The following PGCKA1 variants were observed in gnomAD, a reference collection of about 807,000 sequenced individuals.
The protein encoded by PGCKA1 is PDCD10 and GCKIII kinases associated 1.
chr4:37,550,159 C>T, the PGCKA1 span, among the ~76,000 whole-genome samples: 3 of 152,212 alleles, frequency 2.0e-5, no homozygotes, highest in Admixed American at 6.5e-5. Flanking sequence ...TGCTATGACC[C>T]CTCTGAACCT....
the PGCKA1 span, chr4:37,590,543 C>G: frequency 6.2e-7 from 1 of 1,614,176 alleles, no homozygotes; most frequent in East Asian, 2.2e-5. Context: ...AATGGAGACT[C>G]CAGAGCTCCT....
the PGCKA1 span, among the ~76,000 whole-genome samples, chr4:37,531,162 T>C: frequency 6.6e-6 from 1 of 152,258 alleles, no homozygotes; most frequent in East Asian, 1.9e-4. Context: ...AGGAACTTTA[T>C]ATGCGTTGTC....
the PGCKA1 span, among the ~76,000 whole-genome samples, chr4:37,481,247 GT>G: frequency 1.3e-5 from 2 of 151,904 alleles, no homozygotes; most frequent in Admixed American, 1.3e-4. Context: ...GGATCACGAG[GT>G]CAAGAGATCA....
At chr4:37,591,858 G>A in the PGCKA1 span, 3 of 152,096 alleles carry the variant, frequency 2.0e-5, no homozygotes, top group African/African-American at 7.2e-5. Context: ...TAACTCAAAG[G>A]TGGTTCTAAT....
the PGCKA1 span, among the ~76,000 whole-genome samples, chr4:37,455,656 A>G: frequency 6.6e-6 from 1 of 152,188 alleles, no homozygotes. Context: ...GGGATTGAAG[A>G]CAAAACCTTG....
At chr4:37,547,928 C>A in the PGCKA1 span, among the ~76,000 whole-genome samples, 1 of 146,246 alleles carries the variant, frequency 6.8e-6, no homozygotes, top group African/African-American at 2.5e-5. Context: ...AACTTCTAAT[C>A]TTGTGGCCTT....
At chr4:37,460,162 G>A in the PGCKA1 span, among the ~76,000 whole-genome samples, 2 of 152,152 alleles carry the variant, frequency 1.3e-5, no homozygotes, top group Non-Finnish European at 2.9e-5. Context: ...CAGAAGACAT[G>A]ATCATGCTTC....
At chr4:37,582,872 A>G in the PGCKA1 span, among the ~76,000 whole-genome samples, 5 of 152,164 alleles carry the variant, frequency 3.3e-5, no homozygotes. Context: ...AATTTCACCC[A>G]CTAGTCCTAC....
At chr4:37,458,520 G>A in the PGCKA1 span, among the ~76,000 whole-genome samples, 3 of 152,126 alleles carry the variant, frequency 2.0e-5, no homozygotes, top group Non-Finnish European at 4.4e-5. Context: ...TGGACACCAA[G>A]GCAGCTCTGC....
At chr4:37,473,786 C>T in the PGCKA1 span, among the ~76,000 whole-genome samples, 5 of 152,118 alleles carry the variant, frequency 3.3e-5, no homozygotes, top group Admixed American at 6.6e-5. Flanking sequence ...AATATATGCA[C>T]CACTCATAGC....
the PGCKA1 span, among the ~76,000 whole-genome samples, chr4:37,567,982 A>C: frequency 6.6e-6 from 1 of 151,322 alleles, no homozygotes; most frequent in African/African-American, 2.4e-5. Context: ...TGACATCATC[A>C]CTATGTTGTA....
chr4:37,509,256 A>G, the PGCKA1 span, among the ~76,000 whole-genome samples: 2 of 79,536 alleles, frequency 2.5e-5, no homozygotes, highest in Non-Finnish European at 2.6e-5. Flanking sequence ...AGGGGTGGCC[A>G]GGCAGAGGCG....
the PGCKA1 span, among the ~76,000 whole-genome samples, chr4:37,490,724 T>C: frequency 2.0e-5 from 3 of 152,158 alleles, no homozygotes. Flanking sequence ...CTTCATTTGA[T>C]GGGATCAGAT....
At chr4:37,502,585 G>A in the PGCKA1 span, among the ~76,000 whole-genome samples, 1 of 152,188 alleles carries the variant, frequency 6.6e-6, no homozygotes, top group African/African-American at 2.4e-5. Flanking sequence ...GGGATGGGTG[G>A]CAGAGTGCAC....
the PGCKA1 span, among the ~76,000 whole-genome samples, chr4:37,529,165 T>G: frequency 1.3e-5 from 2 of 152,204 alleles, no homozygotes; most frequent in Non-Finnish European, 1.5e-5. Context: ...TATGCTAAAT[T>G]TAACAATATG....
At chr4:37,463,028 G>A in the PGCKA1 span, among the ~76,000 whole-genome samples, 14 of 151,734 alleles carry the variant, frequency 9.2e-5, no homozygotes, top group South Asian at 2.7e-3. Flanking sequence ...GTCTTCAGTG[G>A]TCCAAACCCC....
chr4:37,572,301 C>G, the PGCKA1 span, among the ~76,000 whole-genome samples: 2 of 150,146 alleles, frequency 1.3e-5, no homozygotes, highest in Non-Finnish European at 3.0e-5. Context: ...CTCCTGACCT[C>G]GTGATCCGCC....
At chr4:37,466,268 A>G in the PGCKA1 span, among the ~76,000 whole-genome samples, 1 of 152,218 alleles carries the variant, frequency 6.6e-6, no homozygotes, top group African/African-American at 2.4e-5. Flanking sequence ...TTTGAAATAT[A>G]TCTGAAATAT....
the PGCKA1 span, among the ~76,000 whole-genome samples, chr4:37,485,283 C>T: frequency 6.6e-6 from 1 of 152,160 alleles, no homozygotes; most frequent in African/African-American, 2.4e-5. Flanking sequence ...CACTTAATCC[C>T]CAGAGCCACA....
Sources: allele counts gnomAD v4.1 joint callset (sites outside exome capture counted in the v4.1 genomes callset), GRCh38; gene constraint gnomAD v4.1.1; transcripts MANE v1.5; gene names NCBI Gene and HGNC (gene_info 2026-07-23, HGNC 2026-07-21).